The following TAF3 variants were observed in gnomAD, a reference collection of about 807,000 sequenced individuals.
TAF3 encodes TATA-box binding protein associated factor 3.
A neutral mutation model predicts 80.6 loss-of-function variants in TAF3; 7 were observed. That is an observed-to-expected ratio of 0.09 (90% CI 0.05 to 0.16). The LOEUF is 0.16. Among genes scored for constraint, TAF3 ranks in the 10% least tolerant of loss-of-function variants. The pLI is 1.00. For synonymous variants in TAF3, 444 were observed against 446.1 expected, an observed-to-expected ratio of 1.00 and a Z score of 0.06; for missense variants, 921 against 1,140.2, an observed-to-expected ratio of 0.81 and a Z score of 2.77.
chr10:7,866,708 A>G (rs1837218379), intron 2 of TAF3, among the ~76,000 whole-genome samples: 2 of 152,200 alleles, frequency 1.3e-5, no homozygotes, highest in Non-Finnish European at 2.9e-5. Flanking sequence ...AAGGAGAGCT[A>G]TAGAAAAAGC....
chr10:7,943,920 G>T (rs1837999306), intron 2 of TAF3, among the ~76,000 whole-genome samples: 1 of 152,104 alleles, frequency 6.6e-6, no homozygotes, highest in Non-Finnish European at 1.5e-5. Context: ...ATTACCCCTA[G>T]TAAACCAAGA....
intron 2 of TAF3, among the ~76,000 whole-genome samples, chr10:7,940,044 A>G (rs1804560666): frequency 6.6e-6 from 1 of 152,216 alleles, no homozygotes; most frequent in South Asian, 2.1e-4. Context: ...GAAACCAGAG[A>G]TTAGGAGGAA....
chr10:8,013,787 C>T lies in TAF3; in HGVS notation c.2625C>T (p.Asp875=), dbSNP rs773649453. 3.5e-5 allele frequency: 57 copies of T among 1,613,944 alleles called. No homozygotes were observed. The highest frequency in any genetic ancestry group is 1.6e-4 in the Middle Eastern group (1 of 6,084). Residue 875 remains aspartate (D), a synonymous_variant, in exon 6 of 7, where the codon GAC becomes GAT. Coordinates refer to ENST00000344293, the MANE Select transcript of TAF3 (RefSeq NM_031923.4). ...TCTGCCCTGGGTGTAACAAGCCTGA[C>T]GATGGGAGTCCCATGATTGGGTGTG... The part of the protein sequence containing the change: ...IWICPGCNKP[D]DGSPMIGCDD...
chr10:7,954,606 T>G (rs1447013411), intron 2 of TAF3, among the ~76,000 whole-genome samples: 3 of 136,606 alleles, frequency 2.2e-5, no homozygotes, highest in Admixed American at 7.4e-5. Context: ...AATGAATGAA[T>G]TAGTCCCAGT....
chr10:7,871,863 TATTG>T (rs1027382813), intron 2 of TAF3, among the ~76,000 whole-genome samples: 5 of 152,362 alleles, frequency 3.3e-5, no homozygotes, highest in East Asian at 1.9e-4. Context: ...GATTAAGAAA[TATTG>T]ATTAACTATC....
At chr10:7,842,165 T>TTTTTTG in intron 2 of TAF3, among the ~76,000 whole-genome samples, 1 of 73,028 alleles carries the variant, frequency 1.4e-5, no homozygotes, top group East Asian at 2.8e-4. Flanking sequence ...TTTTTTTTTG[T>TTTTTTG]TTTTTTTTTT....
intron 2 of TAF3, among the ~76,000 whole-genome samples, chr10:7,865,524 G>A (rs1837203965): frequency 6.6e-6 from 1 of 152,054 alleles, no homozygotes; most frequent in Admixed American, 6.5e-5. Flanking sequence ...CAGAAAGTAG[G>A]GGAGCAAGCT....
chr10:7,853,202 T>C (rs1401445027), intron 2 of TAF3, among the ~76,000 whole-genome samples: 1 of 152,216 alleles, frequency 6.6e-6, no homozygotes, highest in Non-Finnish European at 1.5e-5. Flanking sequence ...TAAATTATAC[T>C]AGAAGCAAAG....
At chr10:7,955,833 T>G (rs1332971896) in intron 2 of TAF3, among the ~76,000 whole-genome samples, 1 of 152,176 alleles carries the variant, frequency 6.6e-6, no homozygotes, top group Non-Finnish European at 1.5e-5. Context: ...GAGTGTGGAT[T>G]ATTTGTTTGT....
intron 2 of TAF3, among the ~76,000 whole-genome samples, chr10:7,867,810 G>C (rs1837228067): frequency 6.6e-6 from 1 of 152,198 alleles, no homozygotes; most frequent in Non-Finnish European, 1.5e-5. Context: ...AGAAATTCAT[G>C]TGTAACTTTT....
intron 4 of TAF3, among the ~76,000 whole-genome samples, chr10:7,992,064 C>G (rs904371824): frequency 6.6e-6 from 1 of 152,078 alleles, no homozygotes; most frequent in Admixed American, 6.5e-5. Flanking sequence ...AAATAATTAC[C>G]CATCCTCCTC....
chr10:7,918,699 T>G (rs187622708), intron 2 of TAF3, among the ~76,000 whole-genome samples: 91 of 152,190 alleles, frequency 6.0e-4, no homozygotes, highest in African/African-American at 2.1e-3. Context: ...TTAGCTAGGT[T>G]TTGGATGTAT....
rs56395044 is a variant in TAF3, at chr10:7,988,752, G to GAAAAAAAAAAA, written c.2315+11438_2315+11448dup. ...CAATAGAGTGAGATTCTGTCTCTCA[G>GAAAAAAAAAAA]AAAAAAAAAAAAAAAAAAATCAAGA... On this transcript the variant is annotated intron_variant, in intron 4 of 6. Transcript: ENST00000344293. 7.1e-3 allele frequency among the ~76,000 whole-genome samples: 662 copies of GAAAAAAAAAAA among 92,718 alleles called. 14 individuals carry two copies. Among genetic ancestry groups the GAAAAAAAAAAA allele is most frequent in the African/African-American group, 0.015 (292 of 19,524 alleles). 60.8% of individuals were successfully genotyped at this position (92,718 alleles called of 152,430 possible).
rs73616020 is a variant in TAF3 at position 7,836,602 on chromosome 10, A to T, written c.409+12042A>T. Among the ~76,000 whole-genome samples, 1,078 of 152,118 alleles carry T rather than the reference A, an allele frequency of 7.1e-3. 17 individuals are homozygous for T. Among genetic ancestry groups the T allele is most frequent in the African/African-American group, 0.025 (1,040 of 41,490 alleles). On this transcript the variant is annotated intron_variant, in intron 2 of 6. Coordinates refer to ENST00000344293, the MANE Select transcript of TAF3 (RefSeq NM_031923.4). ...TTCCACATTTTCTTACCACGAATAC[A>T]CCTGTGTTATCCATCTCAGTTGGTG...
intron 2 of TAF3, among the ~76,000 whole-genome samples, chr10:7,917,588 G>C (rs1837722980): frequency 6.6e-6 from 1 of 152,194 alleles, no homozygotes. Flanking sequence ...GATGCAGCAT[G>C]GTCTAATTTC....
intron 2 of TAF3, among the ~76,000 whole-genome samples, chr10:7,880,200 T>G (rs1276582356): frequency 6.6e-6 from 1 of 152,180 alleles, no homozygotes; most frequent in Non-Finnish European, 1.5e-5. Context: ...GATCACTCAC[T>G]GCTCTCCAGC....
At position 8,013,799 on chromosome 10, in the gene TAF3, C is replaced by T. The variant is rs1588351909; in HGVS notation, c.2637C>T (p.Pro879=). 6.2e-7 allele frequency: 1 copy of T among 1,614,124 alleles called. No homozygotes were observed. Among genetic ancestry groups the T allele is most frequent in the East Asian group, 2.2e-5 (1 of 44,868 alleles). The stretch of plus-strand genomic sequence containing the variant: ...GTAACAAGCCTGACGATGGGAGTCC[C>T]ATGATTGGGTGTGACGACTGCGATG... The part of the protein sequence containing the change: ...PGCNKPDDGS[P]MIGCDDCDDW... Residue 879 remains proline, a synonymous_variant, in exon 6 of 7, where the codon CCC becomes CCT. Coordinates refer to ENST00000344293, the MANE Select transcript of TAF3 (RefSeq NM_031923.4).
chr10:7,844,378 C>CTTTTTT (rs370650612), intron 2 of TAF3, among the ~76,000 whole-genome samples: 3 of 134,316 alleles, frequency 2.2e-5, no homozygotes, highest in Non-Finnish European at 3.2e-5. Context: ...TCTTCTTGTT[C>CTTTTTT]TTTTTTTTTT....
intron 2 of TAF3, among the ~76,000 whole-genome samples, chr10:7,845,240 CAA>C (rs34416999): frequency 6.9e-6 from 1 of 145,340 alleles, no homozygotes; most frequent in Non-Finnish European, 1.5e-5. Flanking sequence ...TGGGAACTAC[CAA>C]AAAAAAAAAA....
Sources: allele counts gnomAD v4.1 joint callset (sites outside exome capture counted in the v4.1 genomes callset), GRCh38; gene constraint gnomAD v4.1.1; transcripts MANE v1.5; gene names NCBI Gene and HGNC (gene_info 2026-07-23, HGNC 2026-07-21).